BCL7C: variants seen among roughly 807,000 people sequenced by gnomAD.
The protein encoded by BCL7C is BAF chromatin remodeling complex subunit BCL7C.
BCL7C carries 8 observed loss-of-function variants against 26.2 expected under a neutral mutation model. The ratio of observed to expected loss-of-function variants is 0.30; its 90% CI spans 0.18 to 0.55. The LOEUF is 0.55. Among genes scored for constraint, BCL7C ranks in the 20% least tolerant of loss-of-function variants. The probability of loss-of-function intolerance (pLI) is 0.93; values close to 1 mark genes in which losing one functional copy is unlikely to be tolerated. For synonymous variants in BCL7C, 90 were observed against 116.5 expected, an observed-to-expected ratio of 0.77 and a Z score of 1.47; for missense variants, 262 against 298.5, an observed-to-expected ratio of 0.88 and a Z score of 0.90.
chr16:30,851,866 A>T (rs938575291), intron 5 of BCL7C: 1 of 242,418 alleles, frequency 4.1e-6, no homozygotes, highest in African/African-American at 2.3e-5. Flanking sequence ...CACACATCAC[A>T]ATCTGATCAA....
chr16:30,891,520 G>A (rs2055236485), intron 4 of BCL7C, among the ~76,000 whole-genome samples: 1 of 152,210 alleles, frequency 6.6e-6, no homozygotes, highest in Non-Finnish European at 1.5e-5. Flanking sequence ...AGGGCACCTA[G>A]CACACAGTAA....
At position 30,888,885 on chromosome 16, in the gene BCL7C, G is replaced by C. The variant is rs1351542329; in HGVS notation, c.503C>G (p.Pro168Arg). Residue 168 changes from proline (P) to arginine (R), a missense_variant, in exon 5 of 6, where the codon CCT (proline) becomes CGT (arginine). Transcript: ENST00000215115. ...DEPPMLTKEE[P>R]VPELLEAEAP... ...CTCAGCTTCCAGCAGTTCTGGAACA[G>C]GCTCCTCCTTGGTCAGCATTGGGGG... is the stretch of plus-strand genomic sequence containing the variant. 4 of 1,614,062 alleles carry C rather than the reference G, an allele frequency of 2.5e-6. No homozygotes were observed. The South Asian group carries it at 4.4e-5, about 18-fold the overall frequency.
chr16:30,872,417 C>A (rs1567316563), intron 5 of BCL7C, among the ~76,000 whole-genome samples: 1 of 152,166 alleles, frequency 6.6e-6, no homozygotes, highest in Middle Eastern at 3.4e-3. Flanking sequence ...GAAAGTGATG[C>A]CAGTAGCAAC....
intron 5 of BCL7C, among the ~76,000 whole-genome samples, chr16:30,856,612 A>G (rs1458347837): frequency 6.6e-6 from 1 of 152,126 alleles, no homozygotes; most frequent in Non-Finnish European, 1.5e-5. Flanking sequence ...GCTCTGTTAG[A>G]GCAGTTAGCC....
exon 6 of BCL7C, chr16:30,835,129 G>A: frequency 2.0e-6 from 3 of 1,521,942 alleles, no homozygotes; most frequent in Non-Finnish European, 2.7e-6. Flanking sequence ...GGCTCTCCTC[G>A]TCATTCTCAC....
At chr16:30,843,299 G>T (rs888270810) in intron 5 of BCL7C, among the ~76,000 whole-genome samples, 4 of 152,206 alleles carry the variant, frequency 2.6e-5, no homozygotes, top group Non-Finnish European at 5.9e-5. Context: ...CGTGACTCAT[G>T]CCAGTAATCC....
intron 5 of BCL7C, among the ~76,000 whole-genome samples, chr16:30,870,096 G>A (rs2054869773): frequency 1.3e-5 from 2 of 152,130 alleles, no homozygotes; most frequent in African/African-American, 4.8e-5. Context: ...TTAGGAAGAT[G>A]CAGTAAATGG....
At position 30,893,950 on chromosome 16, in the gene BCL7C, C is replaced by A; in HGVS notation, c.-6G>T. The stretch of plus-strand genomic sequence containing the variant: ...CGTACAGTCCGGCCGGCCATGCTGG[C>A]GGGGCTGGGGCCGGGGCCGAGCCCG... On this transcript the variant is annotated 5_prime_UTR_variant, in exon 1 of 6. Coordinates refer to ENST00000215115, the MANE Select transcript of BCL7C (RefSeq NM_004765.4). This position sits in a 1 kb window ranked among gnomAD's most constrained non-coding sequence, Gnocchi z 5.2. The A allele has an allele frequency of 6.5e-7, 1 of 1,529,632 alleles. No homozygotes were observed. Among genetic ancestry groups the A allele is most frequent in the Non-Finnish European group, 8.8e-7 (1 of 1,140,618 alleles). 94.8% of individuals were successfully genotyped at this position (1,529,632 alleles called of 1,614,324 possible). A position where few individuals can be genotyped will look rare whatever the true frequency, so the allele number is the denominator to read the frequency against.
chr16:30,838,228 A>G (rs1456782792), intron 5 of BCL7C, among the ~76,000 whole-genome samples: 1 of 152,232 alleles, frequency 6.6e-6, no homozygotes, highest in East Asian at 1.9e-4. Flanking sequence ...ATAACATTAC[A>G]AAGCCTCAGT....
chr16:30,871,509 G>A (rs556865783), intron 5 of BCL7C, among the ~76,000 whole-genome samples: 17 of 151,618 alleles, frequency 1.1e-4, no homozygotes, highest in African/African-American at 3.9e-4. Context: ...TTTTGAGACT[G>A]AGTCTCACTC....
intron 5 of BCL7C, among the ~76,000 whole-genome samples, chr16:30,879,711 T>TAAAAAAAAAAAAAAAAAAA (rs1596612477): frequency 5.8e-5 from 1 of 17,168 alleles, no homozygotes; most frequent in African/African-American, 1.1e-4. Context: ...AAAAAAAAAC[T>TAAAAAAAAAAAAAAAAAAA]GGGCACGGTG....
At chr16:30,888,542 A>C (rs1467273120) in intron 5 of BCL7C, among the ~76,000 whole-genome samples, 1 of 151,464 alleles carries the variant, frequency 6.6e-6, no homozygotes, top group Non-Finnish European at 1.5e-5. Context: ...TCACCGTGTT[A>C]GCCAGGATGG....
chr16:30,861,445 C>CT (rs1461851410), intron 5 of BCL7C, among the ~76,000 whole-genome samples: 4 of 152,344 alleles, frequency 2.6e-5, no homozygotes, highest in African/African-American at 9.6e-5. Flanking sequence ...TGCCAGAAAT[C>CT]TGGCCACTGG....
intron 5 of BCL7C, among the ~76,000 whole-genome samples, chr16:30,879,833 CA>C (rs1409881354): frequency 2.0e-5 from 3 of 150,732 alleles, no homozygotes; most frequent in Non-Finnish European, 4.4e-5. Flanking sequence ...ACTAAAAATA[CA>C]AAAAAATTAG....
chr16:30,839,716 C>G (rs947214518), intron 5 of BCL7C, among the ~76,000 whole-genome samples: 8 of 152,232 alleles, frequency 5.3e-5, no homozygotes, highest in African/African-American at 1.9e-4. Context: ...GATTCTTCTT[C>G]AAAGCATCTG....
chr16:30,888,834 G>GA (rs1567323882), intron 5 of BCL7C, 26 bp downstream of exon 5: 2 of 1,610,492 alleles, frequency 1.2e-6, no homozygotes, highest in Admixed American at 3.3e-5. Flanking sequence ...CAAGACCCAG[G>GA]AGTCCAGCCT....
chr16:30,861,667 C>A (rs956119752), intron 5 of BCL7C, among the ~76,000 whole-genome samples: 2 of 152,130 alleles, frequency 1.3e-5, no homozygotes, highest in Non-Finnish European at 2.9e-5. Context: ...GCCTCCTGGA[C>A]CATCACAGAC....
At chr16:30,890,398 GAA>G (rs945129530) in intron 4 of BCL7C, among the ~76,000 whole-genome samples, 1 of 142,516 alleles carries the variant, frequency 7.0e-6, no homozygotes, top group Admixed American at 7.0e-5. Flanking sequence ...CATCTCAAAG[GAA>G]AAAAAAAAAG....
chr16:30,880,411 C>T (rs900370535), intron 5 of BCL7C, among the ~76,000 whole-genome samples: 41 of 151,000 alleles, frequency 2.7e-4, no homozygotes, highest in African/African-American at 9.7e-4. Context: ...TTAAAAAAGT[C>T]AGAACAGGCT....
Sources: allele counts gnomAD v4.1 joint callset (sites outside exome capture counted in the v4.1 genomes callset), GRCh38; gene constraint gnomAD v4.1.1; non-coding constraint Gnocchi (gnomAD v3.1); transcripts MANE v1.5; gene names NCBI Gene and HGNC (gene_info 2026-07-23, HGNC 2026-07-21).